Variants in RP1 observed in about 807,000 individuals in gnomAD.
RP1 encodes the protein oxygen-regulated protein 1.
RP1 carries 16 observed loss-of-function variants against 14.8 expected under a neutral mutation model. The observed-to-expected ratio is 1.08, with a 90% CI of 0.73 to 1.65. The LOEUF is 1.65. RP1 is among the 40% of genes most tolerant of loss of function. The probability of loss-of-function intolerance (pLI) is 0.00; values close to 1 mark genes in which losing one functional copy is unlikely to be tolerated. For missense variants in RP1, 2,631 were observed against 2,535.0 expected, an observed-to-expected ratio of 1.04 and a Z score of -0.81; for synonymous variants, 876 against 883.6, an observed-to-expected ratio of 0.99 and a Z score of 0.15.
At chr8:54,792,458 C>A (rs1289888707) in intron 24 of RP1, among the ~76,000 whole-genome samples, 2 of 151,882 alleles carry the variant, frequency 1.3e-5, no homozygotes, top group Admixed American at 6.5e-5. Context: ...TATGTTAGGA[C>A]ACAAAACAAG....
At chr8:54,645,871 A>C (rs1273525682) in intron 3 of RP1, among the ~76,000 whole-genome samples, 1 of 152,090 alleles carries the variant, frequency 6.6e-6, no homozygotes, top group Non-Finnish European at 1.5e-5. Context: ...GGATTATTCA[A>C]ATTTTCTATT....
chr8:54,615,268 A>T (rs893298188), upstream of RP1, among the ~76,000 whole-genome samples: 1 of 152,104 alleles, frequency 6.6e-6, no homozygotes, highest in Non-Finnish European at 1.5e-5. Flanking sequence ...CAGTTTCATG[A>T]CCTTTTTCCT....
intron 24 of RP1, among the ~76,000 whole-genome samples, chr8:54,830,121 A>C (rs1317625707): frequency 6.6e-6 from 1 of 152,152 alleles, no homozygotes; most frequent in Non-Finnish European, 1.5e-5. Context: ...TTATTGAGAG[A>C]AGATGTTAAA....
At chr8:54,603,846 T>C (rs1481801946) in intron 1 of RP1, among the ~76,000 whole-genome samples, 1 of 152,216 alleles carries the variant, frequency 6.6e-6, no homozygotes, top group African/African-American at 2.4e-5. Flanking sequence ...GTTTGTCTGT[T>C]ATTGGTGTAT....
chr8:54,607,324 G>T (rs985510111), intron 1 of RP1, among the ~76,000 whole-genome samples: 7 of 152,302 alleles, frequency 4.6e-5, no homozygotes, highest in African/African-American at 1.4e-4. Flanking sequence ...GACCCTGTTT[G>T]CCTGGGTATC....
intron 18 of RP1, among the ~76,000 whole-genome samples, chr8:54,737,831 GGTCTA>G (rs1314542406): frequency 6.6e-6 from 1 of 152,084 alleles, no homozygotes; most frequent in African/African-American, 2.4e-5. Flanking sequence ...GCTCTTTCAG[GGTCTA>G]GTCCATAGGT....
Position 54,864,133 on chromosome 8 carries a change from T to C in RP1, c.4070-1702T>C, listed in dbSNP as rs73679640. On this transcript the variant is annotated intron_variant, in intron 27 of 28. Transcript: ENST00000637698. The stretch of plus-strand genomic sequence containing the variant: ...TGAAAGTGTTGACACTGCCACCATT[T>C]GAGAGACTGTAGATTCGCAGCAAGA... Among the ~76,000 whole-genome samples the C allele has an allele frequency of 9.2e-3, 1,395 of 152,308 alleles. 19 individuals are homozygous for C. Among genetic ancestry groups the C allele is most frequent in the African/African-American group, 0.032 (1,330 of 41,566 alleles).
intron 23 of RP1, among the ~76,000 whole-genome samples, chr8:54,779,159 T>C (rs942898526): frequency 1.3e-5 from 2 of 152,124 alleles, no homozygotes; most frequent in African/African-American, 4.8e-5. Flanking sequence ...TAGGCTGTCT[T>C]AATCCACCCC....
rs11443511 is a variant in RP1 at position 54,576,043 on chromosome 8, C to CTTT, written c.-13+16736_-13+16738dup. On this transcript the variant is annotated intron_variant, in intron 1 of 22. Coordinates refer to the RP1 transcript ENST00000636932. ...AAAGAAAGAATAAACCTGTCAGACTCTTTTTTTTTTTTTTTGAGACGGAGT... is the reference window on the plus strand; with the variant it reads ...AAAGAAAGAATAAACCTGTCAGACTCTTTTTTTTTTTTTTTTTTGAGACGGAGT... Among the ~76,000 whole-genome samples the CTTT allele has an allele frequency of 1.0e-3, 140 of 140,008 alleles. 3 individuals are homozygous for CTTT. Among genetic ancestry groups the CTTT allele is most frequent in the South Asian group, 1.8e-3 (8 of 4,402 alleles). 91.9% of individuals were successfully genotyped at this position (140,008 alleles called of 152,430 possible).
intron 16 of RP1, among the ~76,000 whole-genome samples, chr8:54,723,643 T>A (rs1808584734): frequency 6.6e-6 from 1 of 152,222 alleles, no homozygotes; most frequent in African/African-American, 2.4e-5. Flanking sequence ...TCTCCATTGA[T>A]TATCCGGATA....
In RP1 at chr8:54,627,702, T is replaced by A. The variant is rs771413524; in HGVS notation, c.3820T>A (p.Cys1274Ser). 2 of 1,614,182 alleles carry A rather than the reference T, an allele frequency of 1.2e-6. No homozygotes were observed. The highest frequency in any genetic ancestry group is 2.2e-5 in the South Asian group (2 of 91,084). The change falls in exon 4 of 4, where the codon TGT becomes AGT. Residue 1274 changes from cysteine (C) to serine (S), a missense_variant. Transcript: ENST00000220676. ...VNKAYSPKET[C>S]NPSDTFFPSD... ...TAAGGCTTATTCTCCAAAAGAGACA[T>A]GTAACCCCAGTGACACTTTTTTTCC...
Position 54,630,551 on chromosome 8 carries a change from C to T in RP1, c.*198C>T. ...TTTGTTTTTCCAACAATTACAGACT[C>T]AGGTTCTCTTATTTTGGAAGTTTCT... On this transcript the variant is annotated 3_prime_UTR_variant, in exon 4 of 4. Transcript: ENST00000220676. The T allele has an allele frequency of 7.4e-7, 1 of 1,359,248 alleles. No homozygotes were observed. The highest frequency in any genetic ancestry group is 1.7e-5 in the South Asian group (1 of 58,428). 84.2% of individuals were successfully genotyped at this position (1,359,248 alleles called of 1,614,324 possible). A position where few individuals can be genotyped will look rare whatever the true frequency, so the allele number is the denominator to read the frequency against.
chr8:54,668,970 A>C (rs752305614), intron 7 of RP1, among the ~76,000 whole-genome samples: 3 of 152,210 alleles, frequency 2.0e-5, no homozygotes, highest in African/African-American at 4.8e-5. Context: ...AGGCATGGGC[A>C]AGGACTTCAT....
At chr8:54,689,783 A>T (rs1807666089) in intron 12 of RP1, among the ~76,000 whole-genome samples, 1 of 151,970 alleles carries the variant, frequency 6.6e-6, no homozygotes, top group Non-Finnish European at 1.5e-5. Context: ...TTTGTTTGTG[A>T]CATAGTTTTC....
At chr8:54,666,996 T>C (rs1305686273) in intron 7 of RP1, among the ~76,000 whole-genome samples, 1 of 152,010 alleles carries the variant, frequency 6.6e-6, no homozygotes, top group Non-Finnish European at 1.5e-5. Flanking sequence ...GATATGGCAC[T>C]GGAAATAGGC....
chr8:54,838,793 G>A (rs1179194322), intron 25 of RP1, among the ~76,000 whole-genome samples: 2 of 152,060 alleles, frequency 1.3e-5, no homozygotes, highest in Non-Finnish European at 2.9e-5. Context: ...ATTTAAGGAG[G>A]CAGAGGTTCT....
intron 7 of RP1, among the ~76,000 whole-genome samples, chr8:54,670,706 T>TATATATAA (rs1283419569): frequency 2.7e-5 from 3 of 109,834 alleles, no homozygotes; most frequent in Non-Finnish European, 3.8e-5. Context: ...TATATATATA[T>TATATATAA]AAAACATTAA....
At chr8:54,623,102 C>T (rs1805926037) in intron 3 of RP1, among the ~76,000 whole-genome samples, 2 of 152,148 alleles carry the variant, frequency 1.3e-5, no homozygotes, top group Admixed American at 6.5e-5. Context: ...GTGGGTGAAA[C>T]TAATCCATTG....
chr8:54,587,493 G>C (rs1006355540), intron 1 of RP1, among the ~76,000 whole-genome samples: 5 of 151,966 alleles, frequency 3.3e-5, no homozygotes, highest in African/African-American at 1.2e-4. Context: ...CCTTGCTTAG[G>C]CATTTTAAAA....
Sources: allele counts gnomAD v4.1 joint callset (sites outside exome capture counted in the v4.1 genomes callset), GRCh38; gene constraint gnomAD v4.1.1; transcripts MANE v1.5; gene names NCBI Gene and HGNC (gene_info 2026-07-23, HGNC 2026-07-21).